The following ACYP2 variants were observed in gnomAD, a reference collection of about 807,000 sequenced individuals.
The protein encoded by ACYP2 is acylphosphatase-2.
A neutral mutation model predicts 11.2 loss-of-function variants in ACYP2; 12 were observed. That is an observed-to-expected ratio of 1.08 (90% confidence interval 0.69 to 1.74). The LOEUF (loss-of-function observed/expected upper bound fraction) is 1.74. Among genes scored for constraint, ACYP2 ranks in the 40% most tolerant of loss-of-function variants. The pLI is 0.00. For missense variants in ACYP2, 134 were observed against 101.9 expected, an observed-to-expected ratio of 1.31 and a Z score of -1.35; for synonymous variants, 43 against 32.2, an observed-to-expected ratio of 1.33 and a Z score of -1.13.
intron 6 of ACYP2, among the ~76,000 whole-genome samples, chr2:54,299,536 G>A (rs1682121): frequency 0.36 from 53,497 of 149,402 alleles, 10,022 homozygotes; most frequent in Admixed American, 0.48. Context: ...AGATTGCAGT[G>A]AGCCCAGATT....
intron 2 of ACYP2, among the ~76,000 whole-genome samples, chr2:54,041,082 CCTCT>C (rs888695062): frequency 4.1e-5 from 6 of 148,056 alleles, no homozygotes. Context: ...CTTTTCTTTT[CCTCT>C]CTCTCTCTTT....
intron 6 of ACYP2, chr2:54,142,274 C>CATTA: frequency 5.2e-6 from 1 of 194,150 alleles, no homozygotes; most frequent in East Asian, 1.1e-4. Flanking sequence ...TAATATGATA[C>CATTA]GTATGTTAAC....
At chr2:54,045,510 A>G (rs982771992) in intron 2 of ACYP2, among the ~76,000 whole-genome samples, 2 of 152,174 alleles carry the variant, frequency 1.3e-5, no homozygotes, top group African/African-American at 4.8e-5. Flanking sequence ...CTTGACATTG[A>G]AAACTCATAA....
chr2:54,193,726 C>CAGCT (rs1375983113), intron 6 of ACYP2, among the ~76,000 whole-genome samples: 3 of 152,130 alleles, frequency 2.0e-5, no homozygotes, highest in Non-Finnish European at 4.4e-5. Context: ...GAATGACTGA[C>CAGCT]AGCTGTTATT....
At chr2:54,098,065 C>A (rs1678692036) in intron 4 of ACYP2, among the ~76,000 whole-genome samples, 1 of 151,084 alleles carries the variant, frequency 6.6e-6, no homozygotes, top group African/African-American at 2.4e-5. Flanking sequence ...CAGGTTCAAG[C>A]AATTCTCCTG....
intron 4 of ACYP2, chr2:54,123,455 TTGTG>T: frequency 2.5e-6 from 1 of 398,560 alleles, no homozygotes; most frequent in Non-Finnish European, 4.4e-6. Context: ...TTTCCTTTTT[TTGTG>T]TGTGTGGCAT....
intron 2 of ACYP2, chr2:53,975,221 C>G (rs1404616019): frequency 8.4e-6 from 3 of 355,984 alleles, no homozygotes; most frequent in Non-Finnish European, 9.7e-6. Flanking sequence ...GAGACTCTGT[C>G]TCAAAAAAAA....
intron 2 of ACYP2, among the ~76,000 whole-genome samples, chr2:53,984,999 TGG>T (rs1671959912): frequency 6.6e-6 from 1 of 151,878 alleles, no homozygotes; most frequent in African/African-American, 2.4e-5. Flanking sequence ...ATGAATAGAT[TGG>T]TCCAGGTTAC....
At chr2:54,290,082 T>C (rs1299853786) in intron 6 of ACYP2, among the ~76,000 whole-genome samples, 1 of 152,128 alleles carries the variant, frequency 6.6e-6, no homozygotes, top group African/African-American at 2.4e-5. Context: ...GTGCGCAAAT[T>C]GCATCAGGCT....
rs34045950 is a variant in ACYP2, at chr2:54,126,597, C to CAAA, written c.278-8839_278-8837dup. On this transcript the variant is annotated intron_variant, in intron 4 of 6. Transcript: ENST00000607452. ...TGACACACTCATAGAGTCAAATTTG[C>CAAA]AAAAAAAAAAAAAAAAAAAGCATAA... Among the ~76,000 whole-genome samples the CAAA allele has an allele frequency of 3.8e-3, 415 of 109,556 alleles. 4 individuals are homozygous for CAAA. The highest frequency in any genetic ancestry group is 0.013 in the African/African-American group (373 of 28,046). 71.9% of individuals were successfully genotyped at this position (109,556 alleles called of 152,430 possible). A position where few individuals can be genotyped will look rare whatever the true frequency, so the allele number is the denominator to read the frequency against.
intron 6 of ACYP2, among the ~76,000 whole-genome samples, chr2:54,204,258 G>C (rs1684981536): frequency 6.6e-6 from 1 of 151,128 alleles, no homozygotes; most frequent in African/African-American, 2.4e-5. Flanking sequence ...CGGCCAAAGT[G>C]CTGGGATTAC....
intron 2 of ACYP2, among the ~76,000 whole-genome samples, chr2:54,037,085 C>T (rs1674939888): frequency 6.6e-6 from 1 of 152,146 alleles, no homozygotes; most frequent in African/African-American, 2.4e-5. Flanking sequence ...AGAAAAACTC[C>T]TTTAGAAAAT....
intron 6 of ACYP2, among the ~76,000 whole-genome samples, chr2:54,261,289 T>C (rs548020106): frequency 5.1e-4 from 78 of 151,614 alleles, no homozygotes; most frequent in Non-Finnish European, 1.0e-3. Flanking sequence ...ATATTCTGGC[T>C]ATAATTTTTT....
intron 2 of ACYP2, among the ~76,000 whole-genome samples, chr2:53,995,259 A>C (rs1324515966): frequency 2.0e-5 from 3 of 152,144 alleles, no homozygotes; most frequent in African/African-American, 7.2e-5. Context: ...TAAATAGAGA[A>C]ATGTCCAAAT....
At chr2:54,152,702 T>A (rs10207316) in intron 6 of ACYP2, among the ~76,000 whole-genome samples, 2 of 152,336 alleles carry the variant, frequency 1.3e-5, no homozygotes, top group East Asian at 3.9e-4. Flanking sequence ...TAAGGTTCCT[T>A]CATGTATTTT....
intron 6 of ACYP2, chr2:54,267,328 A>T: frequency 1.3e-6 from 2 of 1,549,186 alleles, no homozygotes; most frequent in South Asian, 2.4e-5. Flanking sequence ...GGGTGAAGAA[A>T]AGAAACAAGA....
At chr2:54,090,765 C>T (rs72800732) in intron 4 of ACYP2, among the ~76,000 whole-genome samples, 14,671 of 152,248 alleles carry the variant, frequency 0.096, 867 homozygotes, top group Non-Finnish European at 0.14. Context: ...TCCTTTGCAG[C>T]TTATCAAATC....
chr2:54,017,035 T>G (rs1010916427), intron 2 of ACYP2, among the ~76,000 whole-genome samples: 1 of 152,012 alleles, frequency 6.6e-6, no homozygotes, highest in Non-Finnish European at 1.5e-5. Flanking sequence ...CTTCAGTGTC[T>G]TTTGAGGACC....
intron 2 of ACYP2, among the ~76,000 whole-genome samples, chr2:54,026,813 A>C (rs1264372198): frequency 6.6e-6 from 1 of 152,022 alleles, no homozygotes; most frequent in African/African-American, 2.4e-5. Flanking sequence ...GGAAAGGAAA[A>C]CCAAACATCG....
Sources: allele counts gnomAD v4.1 joint callset (sites outside exome capture counted in the v4.1 genomes callset), GRCh38; gene constraint gnomAD v4.1.1; transcripts MANE v1.5; gene names NCBI Gene and HGNC (gene_info 2026-07-23, HGNC 2026-07-21).